LARP4B: variants seen among roughly 807,000 people sequenced by gnomAD.
LARP4B encodes La ribonucleoprotein 4B.
A neutral mutation model predicts 89.8 loss-of-function variants in LARP4B; 12 were observed. The ratio of observed to expected loss-of-function variants is 0.13; its 90% CI spans 0.09 to 0.22. The LOEUF (loss-of-function observed/expected upper bound fraction) is 0.22. LARP4B is among the 10% of genes least tolerant of loss of function. The pLI, the probability that LARP4B is intolerant of heterozygous loss-of-function variation, is 1.00. For synonymous variants in LARP4B, 367 were observed against 363.3 expected (o/e 1.01, Z -0.12); for missense variants, 757 against 947.7 (o/e 0.80, Z 2.64).
At chr10:945,409 A>G in the LARP4B span, among the ~76,000 whole-genome samples, 70 of 140,682 alleles carry the variant, frequency 5.0e-4, no homozygotes, top group Non-Finnish European at 8.5e-4. Context: ...GACATGGTCC[A>G]GGCATGGTGG....
chr10:874,247 A>T (rs542232661), intron 3 of LARP4B, among the ~76,000 whole-genome samples: 2 of 152,340 alleles, frequency 1.3e-5, no homozygotes, highest in South Asian at 4.1e-4. Context: ...ACAAAACAAA[A>T]CAAAACAAAA....
chr10:896,896 T>C (rs978474641), intron 1 of LARP4B, among the ~76,000 whole-genome samples: 2 of 151,978 alleles, frequency 1.3e-5, no homozygotes, highest in African/African-American at 4.8e-5. Context: ...TGTTTACAGA[T>C]GGGAAGACAT....
At chr10:985,539 G>A in the LARP4B span, 1 of 152,238 alleles carries the variant, frequency 6.6e-6, no homozygotes, top group Non-Finnish European at 1.5e-5. Flanking sequence ...TTAACTCACT[G>A]TGTAATTCTG....
intron 13 of LARP4B, among the ~76,000 whole-genome samples, 193 bp downstream of exon 13, chr10:824,872 C>A (rs1428475011): frequency 6.6e-6 from 1 of 152,214 alleles, no homozygotes; most frequent in Non-Finnish European, 1.5e-5. Context: ...AACTACAGTT[C>A]TCACTGAACC....
At chr10:922,090 G>C (rs1047347934) in intron 1 of LARP4B, among the ~76,000 whole-genome samples, 1 of 152,108 alleles carries the variant, frequency 6.6e-6, no homozygotes, top group African/African-American at 2.4e-5. Context: ...CAGGGGGTGG[G>C]GGGTGGTGAG....
chr10:814,676 G>T lies in LARP4B; in HGVS notation c.1929+66C>A. ...TTAAAAAACGAGCAGGTGCAGGAGT[G>T]CGCAGCGTCTGTTCACACCAGAGCC... On this transcript the variant is annotated intron_variant, in intron 17 of 17. Transcript: ENST00000316157. The surrounding 1 kb of genome is among the most constrained non-coding windows in gnomAD (Gnocchi z 4.4). 6.4e-7 allele frequency: 1 copy of T among 1,553,162 alleles called. No individual in the cohort carries two copies. Among genetic ancestry groups the T allele is most frequent in the Non-Finnish European group, 8.7e-7 (1 of 1,147,842 alleles).
At chr10:940,201 G>A in the LARP4B span, among the ~76,000 whole-genome samples, 3 of 152,192 alleles carry the variant, frequency 2.0e-5, no homozygotes, top group African/African-American at 7.2e-5. Context: ...ATTTTTAGTA[G>A]GGACGGGGTT....
At position 814,865 on chromosome 10, in the gene LARP4B, C is replaced by T. The variant is rs762498958; in HGVS notation, c.1821-15G>A. ...CCTTGGGATCACTGTAAAAATGCCA[C>T]CCGATATTTGAATCTCATGCAACAT... On this transcript the variant is annotated splice_polypyrimidine_tract_variant and intron_variant, in intron 16 of 17. Transcript: ENST00000316157. The surrounding 1 kb of genome is among the most constrained non-coding windows in gnomAD (Gnocchi z 4.4). 11 of 1,583,604 alleles carry T rather than the reference C, an allele frequency of 6.9e-6. No homozygotes were observed. In the Admixed American group the frequency reaches 1.4e-4, roughly 20 times the overall value.
rs1270860207 is a variant in LARP4B, at chr10:810,645, C to G, written c.*2281G>C. On this transcript the variant is annotated 3_prime_UTR_variant, in exon 18 of 18. Transcript: ENST00000316157. ...AACCAAGGACTCACTGGCGGACGGG[C>G]AGGCCTTGTGTTTTGGGAATGGCTG... 1.3e-5 allele frequency: 2 copies of G among 152,248 alleles called. No individual in the cohort carries two copies. The highest frequency in any genetic ancestry group is 2.9e-5 in the Non-Finnish European group (2 of 68,046). The allele number at this position is 152,248 out of a possible 1,614,324, so 9.4% of individuals were successfully genotyped here.
At chr10:894,776 A>AG (rs1179197479) in intron 1 of LARP4B, among the ~76,000 whole-genome samples, 2 of 152,236 alleles carry the variant, frequency 1.3e-5, no homozygotes, top group African/African-American at 4.8e-5. Flanking sequence ...GGTAAGTTTA[A>AG]GGGAAGAGAA....
chr10:857,588 G>A (rs571425442), intron 5 of LARP4B, among the ~76,000 whole-genome samples: 145 of 152,308 alleles, frequency 9.5e-4, no homozygotes, highest in Non-Finnish European at 2.8e-4. Context: ...TCGGGTGGCC[G>A]GTCTGAAGAC....
chr10:948,527 G>C, the LARP4B span, among the ~76,000 whole-genome samples: 1 of 152,228 alleles, frequency 6.6e-6, no homozygotes, highest in Non-Finnish European at 1.5e-5. Context: ...GATTACAGGC[G>C]TGAGCCCCCG....
the LARP4B span, among the ~76,000 whole-genome samples, chr10:949,120 C>T: frequency 5.3e-5 from 8 of 151,918 alleles, no homozygotes; most frequent in African/African-American, 7.3e-5. Flanking sequence ...CCACCAGCCC[C>T]GAGTGAGTGA....
At chr10:886,451 T>G (rs992750717) in intron 1 of LARP4B, among the ~76,000 whole-genome samples, 4 of 152,188 alleles carry the variant, frequency 2.6e-5, no homozygotes, top group Non-Finnish European at 5.9e-5. Flanking sequence ...TTCTGAGTAT[T>G]TATCCAAAGG....
At chr10:945,381 C>A in the LARP4B span, among the ~76,000 whole-genome samples, 1 of 120,176 alleles carries the variant, frequency 8.3e-6, no homozygotes, top group Non-Finnish European at 1.7e-5. Flanking sequence ...GAGACTCTGT[C>A]TCAAAAAAAA....
chr10:923,454 G>T (rs1433566286), intron 1 of LARP4B, among the ~76,000 whole-genome samples: 2 of 151,356 alleles, frequency 1.3e-5, no homozygotes, highest in Non-Finnish European at 2.9e-5. Context: ...TCAGGAAGAA[G>T]TGTGACTGCT....
At chr10:825,983 G>A (rs186706591) in intron 11 of LARP4B, 113 bp from the exon 12 acceptor site, 2 of 708,130 alleles carry the variant, frequency 2.8e-6, no homozygotes, top group East Asian at 2.7e-5. Context: ...TCAGAGTCAT[G>A]ACCCATGCTG....
intron 1 of LARP4B, among the ~76,000 whole-genome samples, chr10:921,855 G>C (rs1043267698): frequency 6.6e-6 from 1 of 152,156 alleles, no homozygotes; most frequent in Non-Finnish European, 1.5e-5. Context: ...GAAGAGCAGG[G>C]AAAAACTGAA....
chr10:938,456 T>C, the LARP4B span, among the ~76,000 whole-genome samples: 2 of 152,036 alleles, frequency 1.3e-5, no homozygotes, highest in Non-Finnish European at 1.5e-5. Flanking sequence ...GGTTTCACCG[T>C]GTTAGCCAGG....
Sources: allele counts gnomAD v4.1 joint callset (sites outside exome capture counted in the v4.1 genomes callset), GRCh38; gene constraint gnomAD v4.1.1; non-coding constraint Gnocchi (gnomAD v3.1); transcripts MANE v1.5; gene names NCBI Gene and HGNC (gene_info 2026-07-23, HGNC 2026-07-21).